Variants in MAPKAP1 observed in about 807,000 individuals in gnomAD.
MAPKAP1 encodes target of rapamycin complex 2 subunit MAPKAP1.
In MAPKAP1, 20 loss-of-function variants were observed where a neutral mutation model predicts 65.7. The ratio of observed to expected loss-of-function variants is 0.30; its 90% CI spans 0.21 to 0.44. The LOEUF (loss-of-function observed/expected upper bound fraction) is 0.44, where lower values mean the gene tolerates loss of function less well. Ranked by LOEUF, MAPKAP1 falls within the 20% of genes least tolerant of loss-of-function variation. The pLI is 1.00. For synonymous variants in MAPKAP1, 222 were observed against 244.3 expected, an observed-to-expected ratio of 0.91 and a Z score of 0.85; for missense variants, 423 against 648.0, an observed-to-expected ratio of 0.65 and a Z score of 3.77.
At chr9:125,527,964 C>T (rs899342675) in intron 7 of MAPKAP1, among the ~76,000 whole-genome samples, 5 of 152,330 alleles carry the variant, frequency 3.3e-5, no homozygotes, top group Admixed American at 6.5e-5. Context: ...AAAGTGGTGG[C>T]CTCAGGTGTG....
chr9:125,521,542 C>T, intron 7 of MAPKAP1: 1 of 1,357,860 alleles, frequency 7.4e-7, no homozygotes. Flanking sequence ...GTAATGCATT[C>T]AAATAAATGC....
At chr9:125,506,166 T>G in intron 8 of MAPKAP1, 144 bp downstream of exon 8, 1 of 705,480 alleles carries the variant, frequency 1.4e-6, no homozygotes, top group Non-Finnish European at 2.6e-6. Context: ...GGATATACTT[T>G]GGCACGAAGA....
intron 7 of MAPKAP1, among the ~76,000 whole-genome samples, chr9:125,538,454 G>A (rs1830136253): frequency 6.6e-6 from 1 of 152,180 alleles, no homozygotes; most frequent in Admixed American, 6.5e-5. Context: ...TGGCTCAGGT[G>A]AATGGGTAGA....
At chr9:125,577,041 T>A (rs1443603002) in intron 5 of MAPKAP1, among the ~76,000 whole-genome samples, 2 of 150,510 alleles carry the variant, frequency 1.3e-5, no homozygotes, top group African/African-American at 4.9e-5. Context: ...GAGGAGCATC[T>A]CTGCCCGGCC....
chr9:125,557,768 T>C (rs566050960), intron 6 of MAPKAP1, among the ~76,000 whole-genome samples: 8 of 152,320 alleles, frequency 5.3e-5, no homozygotes, highest in Admixed American at 1.3e-4. Context: ...CACTACTAGA[T>C]AGTAAGCTCC....
chr9:125,579,188 G>T (rs1032668861), intron 5 of MAPKAP1, among the ~76,000 whole-genome samples: 2 of 152,206 alleles, frequency 1.3e-5, no homozygotes, highest in African/African-American at 4.8e-5. Context: ...GTTAACAGAC[G>T]TAAGTGTAAA....
At chr9:125,652,715 C>T (rs1173929457) in intron 4 of MAPKAP1, among the ~76,000 whole-genome samples, 3 of 152,042 alleles carry the variant, frequency 2.0e-5, no homozygotes, top group Non-Finnish European at 4.4e-5. Flanking sequence ...AACTGCCAAG[C>T]GATCACCAAT....
chr9:125,554,942 G>A (rs888262397), intron 6 of MAPKAP1, among the ~76,000 whole-genome samples: 6 of 152,100 alleles, frequency 3.9e-5, no homozygotes, highest in African/African-American at 9.6e-5. Flanking sequence ...GATGTTAATC[G>A]TGATGTCTCA....
At position 125,636,631 on chromosome 9, in the gene MAPKAP1, C is replaced by A. The variant is rs1040113404; in HGVS notation, c.498+21020G>T. Among the ~76,000 whole-genome samples the A allele has an allele frequency of 2.0e-5, 3 of 152,194 alleles. No individual in the cohort carries two copies. The East Asian group carries it at 5.8e-4, about 29-fold the overall frequency. ...AGTGTATCTACTACCAGACCATTCA[C>A]AACTAAAACAGCATGAATTAACTGA... is the stretch of plus-strand genomic sequence containing the variant. On this transcript the variant is annotated intron_variant, in intron 4 of 11. Transcript: ENST00000265960.
chr9:125,653,826 T>G (rs2131743417), intron 4 of MAPKAP1, among the ~76,000 whole-genome samples: 1 of 152,332 alleles, frequency 6.6e-6, no homozygotes, highest in Admixed American at 6.5e-5. Flanking sequence ...TGTGAGGAAC[T>G]CACACCCATC....
rs142318505 is a variant in MAPKAP1, at chr9:125,559,729, T to C, written c.752A>G (p.Asn251Ser). The C allele has an allele frequency of 3.5e-5, 57 of 1,613,918 alleles. No individual in the cohort carries two copies. The highest frequency in any genetic ancestry group is 6.6e-5 in the South Asian group (6 of 91,068). The change falls in exon 6 of 12, where the codon AAT (asparagine) becomes AGT (serine). Residue 251 changes from asparagine (N) to serine (S), a missense_variant. Around this residue, in one of 6 missense-constraint regions of MAPKAP1, gnomAD observed 98 missense variants for 200.5 expected, o/e 0.49. Coordinates refer to ENST00000265960, the MANE Select transcript of MAPKAP1 (RefSeq NM_001006617.3). ...VDTDFPPLDSNEPIHKFGFST... is the reference protein window; with the variant it reads ...VDTDFPPLDSSEPIHKFGFST... Reference sequence around the variant, plus strand: ...GAAGCCAAACTTATGAATGGGCTCATTGGAATCCAGCGGGGGGAAATCGGT... The same window carrying C: ...GAAGCCAAACTTATGAATGGGCTCACTGGAATCCAGCGGGGGGAAATCGGT...
intron 6 of MAPKAP1, among the ~76,000 whole-genome samples, chr9:125,549,558 C>T (rs966115697): frequency 2.0e-5 from 3 of 152,138 alleles, no homozygotes; most frequent in Non-Finnish European, 2.9e-5. Flanking sequence ...TGGGAGCATG[C>T]GATGTTTGAC....
chr9:125,451,679 C>T (rs978224201), intron 10 of MAPKAP1, among the ~76,000 whole-genome samples: 3 of 152,118 alleles, frequency 2.0e-5, no homozygotes, highest in Non-Finnish European at 2.9e-5. Flanking sequence ...CTAGTTTTCA[C>T]GTTTATCTTC....
intron 8 of MAPKAP1, among the ~76,000 whole-genome samples, chr9:125,485,089 G>GGTACTGATATTCCCATTCA (rs1181287034): frequency 1.3e-5 from 2 of 152,124 alleles, no homozygotes; most frequent in East Asian, 3.9e-4. Flanking sequence ...CTGAGCCATT[G>GGTACTGATATTCCCATTCA]GTACTGATAT....
intron 4 of MAPKAP1, among the ~76,000 whole-genome samples, chr9:125,601,521 T>C (rs1832299505): frequency 6.6e-6 from 1 of 152,214 alleles, no homozygotes; most frequent in Non-Finnish European, 1.5e-5. Context: ...AAAATTTCAC[T>C]GTATCATTAT....
intron 5 of MAPKAP1, among the ~76,000 whole-genome samples, 184 bp downstream of exon 5, chr9:125,585,370 TA>T (rs1008536778): frequency 1.3e-5 from 2 of 152,238 alleles, no homozygotes; most frequent in Non-Finnish European, 2.9e-5. Context: ...CACAAACTTC[TA>T]AGTCTATTTT....
rs557592565 is a variant in MAPKAP1, at chr9:125,513,899, T to C, written c.959-7482A>G. 1.9e-3 allele frequency among the ~76,000 whole-genome samples: 282 copies of C among 152,266 alleles called. 1 individual carries two copies. The highest frequency in any genetic ancestry group is 3.9e-3 in the Admixed American group (60 of 15,306). On this transcript the variant is annotated intron_variant, in intron 7 of 11. Transcript: ENST00000265960. ...GCTTGCTTTTAAGCTGCAGACGGCA[T>C]TTAAGATTAGAGACTTGCTCAGCAG... is the stretch of plus-strand genomic sequence containing the variant.
chr9:125,466,881 T>C (rs935549769), intron 10 of MAPKAP1, among the ~76,000 whole-genome samples: 1 of 152,248 alleles, frequency 6.6e-6, no homozygotes, highest in African/African-American at 2.4e-5. Context: ...CAATGTGGCA[T>C]GTGCCCAGTC....
chr9:125,516,879 C>T (rs1044046937), intron 7 of MAPKAP1, among the ~76,000 whole-genome samples: 2 of 152,194 alleles, frequency 1.3e-5, no homozygotes, highest in African/African-American at 2.4e-5. Context: ...CATCAACTTG[C>T]CCTTTTTGAA....
Sources: allele counts gnomAD v4.1 joint callset (sites outside exome capture counted in the v4.1 genomes callset), GRCh38; gene constraint gnomAD v4.1.1; regional missense constraint gnomAD v4.1.1; transcripts MANE v1.5; gene names NCBI Gene and HGNC (gene_info 2026-07-23, HGNC 2026-07-21).